Variants in INPP5F observed in about 807,000 individuals in gnomAD.
INPP5F encodes phosphatidylinositide 4-phosphatase SAC2.
In INPP5F, 97 loss-of-function variants were observed where a neutral mutation model predicts 137.2. That is an observed-to-expected ratio of 0.71 (90% confidence interval 0.60 to 0.84). The LOEUF (loss-of-function observed/expected upper bound fraction) is 0.84, where lower values mean the gene tolerates loss of function less well. INPP5F is among the 40% of genes least tolerant of loss of function. The probability of loss-of-function intolerance (pLI) is 0.00; values close to 1 mark genes in which losing one functional copy is unlikely to be tolerated. For missense variants in INPP5F, 1,271 were observed against 1,371.9 expected, an observed-to-expected ratio of 0.93 and a Z score of 1.16; for synonymous variants, 504 against 476.9, an observed-to-expected ratio of 1.06 and a Z score of -0.74.
intron 9 of INPP5F, among the ~76,000 whole-genome samples, chr10:119,800,678 T>C (rs1850556893): frequency 6.6e-6 from 1 of 152,024 alleles, no homozygotes; most frequent in Admixed American, 6.5e-5. Flanking sequence ...AGGGCTCCAC[T>C]TCATTAGCTG....
At position 119,827,589 on chromosome 10, in the gene INPP5F, C is replaced by T; in HGVS notation, c.3208C>T (p.Pro1070Ser). 1 of 1,614,154 alleles carries T rather than the reference C, an allele frequency of 6.2e-7. No individual in the cohort carries two copies. The highest frequency in any genetic ancestry group is 8.5e-7 in the Non-Finnish European group (1 of 1,180,014). The change falls in exon 20 of 20, where the codon CCC becomes TCC. Residue 1070 changes from proline (P) to serine (S), a missense_variant. Pro to Ser is a moderately conservative substitution (Grantham distance 74). Transcript: ENST00000650623. ...GAGCAGTAGCAGCAGAGCAGTCTCT[C>T]CCTTTGCCAAGATTCGAAGTTCCAT... Reference protein sequence around the residue: ...SESSSSRAVSPFAKIRSSMVQ... With the variant: ...SESSSSRAVSSFAKIRSSMVQ...
At chr10:119,774,425 A>G (rs1346365949) in intron 2 of INPP5F, among the ~76,000 whole-genome samples, 2 of 151,944 alleles carry the variant, frequency 1.3e-5, no homozygotes, top group African/African-American at 4.8e-5. Flanking sequence ...TGTATGCTCT[A>G]AATGAAAGTT....
At chr10:119,747,041 G>A (rs1444138868) in intron 1 of INPP5F, among the ~76,000 whole-genome samples, 2 of 151,898 alleles carry the variant, frequency 1.3e-5, no homozygotes, top group Non-Finnish European at 2.9e-5. Context: ...CTCCTGCCTC[G>A]GCCTTCCGAA....
intron 2 of INPP5F, among the ~76,000 whole-genome samples, chr10:119,754,672 C>T (rs1274479323): frequency 6.6e-6 from 1 of 151,976 alleles, no homozygotes; most frequent in Non-Finnish European, 1.5e-5. Context: ...CAAAGGGAAA[C>T]ACTTTTCTGG....
At chr10:119,802,805 A>G (rs896635723) in intron 9 of INPP5F, among the ~76,000 whole-genome samples, 1 of 152,000 alleles carries the variant, frequency 6.6e-6, no homozygotes, top group Admixed American at 6.6e-5. Flanking sequence ...CAGGTTTTTT[A>G]AAAAAAATTG....
chr10:119,742,247 C>G (rs927137659), intron 1 of INPP5F, among the ~76,000 whole-genome samples: 7 of 151,864 alleles, frequency 4.6e-5, no homozygotes, highest in East Asian at 3.9e-4. Flanking sequence ...CCTCTGCCTC[C>G]CGGGTTCAAG....
Position 119,792,184 on chromosome 10 carries a change from T to TA in INPP5F, c.641dup (p.Tyr214Ter). The change falls in exon 6 of 20, where the codon TAC (tyrosine) becomes TAAC (stop). Residue 214 changes from tyrosine (Y) to a stop codon, truncating the protein, a stop_gained and frameshift_variant. Coordinates refer to ENST00000650623, the MANE Select transcript of INPP5F (RefSeq NM_014937.4). LOFTEE classifies it high-confidence loss of function. Reference protein sequence around the residue: ...KVDDRFFWNKYMIQDLTEIGT... With the variant: ...KVDDRFFWNK ...TGATGACCGATTTTTTTGGAATAAA[T>TA]ACATGATACAAGATCTTACTGAGAT... The TA allele has an allele frequency of 6.2e-7, 1 of 1,613,802 alleles. No homozygotes were observed. Among genetic ancestry groups the TA allele is most frequent in the Non-Finnish European group, 8.5e-7 (1 of 1,179,644 alleles).
intron 2 of INPP5F, among the ~76,000 whole-genome samples, chr10:119,756,250 C>G (rs140172509): frequency 1.3e-5 from 2 of 152,258 alleles, no homozygotes; most frequent in Non-Finnish European, 2.9e-5. Context: ...ATATTCTACT[C>G]AAGAACCACT....
chr10:119,754,076 C>G (rs1848766481), intron 2 of INPP5F, among the ~76,000 whole-genome samples: 1 of 152,284 alleles, frequency 6.6e-6, no homozygotes, highest in Middle Eastern at 3.4e-3. Flanking sequence ...TCTGATATTC[C>G]CTGTAATAAC....
In INPP5F at chr10:119,827,801, T is replaced by C. The variant is rs1851834707; in HGVS notation, c.*21T>C. 1 of 1,493,528 alleles carries C rather than the reference T, an allele frequency of 6.7e-7. No homozygotes were observed. The highest frequency in any genetic ancestry group is 9.1e-7 in the Non-Finnish European group (1 of 1,095,862). 92.5% of individuals were successfully genotyped at this position (1,493,528 alleles called of 1,614,324 possible). On this transcript the variant is annotated 3_prime_UTR_variant, in exon 20 of 20. Transcript: ENST00000650623. ...TTTAGCTTTTAGCCATAAGAATCCT[T>C]CCATGGCTTTTATTTAAAAATATGA...
chr10:119,763,040 C>T (rs1381687671), intron 2 of INPP5F, among the ~76,000 whole-genome samples: 1 of 152,168 alleles, frequency 6.6e-6, no homozygotes, highest in Non-Finnish European at 1.5e-5. Context: ...ACCTGTGAAA[C>T]CATACAAGTT....
intron 1 of INPP5F, among the ~76,000 whole-genome samples, chr10:119,750,305 G>A (rs1331343547): frequency 6.6e-6 from 1 of 152,170 alleles, no homozygotes; most frequent in Admixed American, 6.5e-5. Flanking sequence ...ATCTTCACCT[G>A]TCGAACTACC....
At chr10:119,775,177 A>G (rs1263898716) in intron 2 of INPP5F, among the ~76,000 whole-genome samples, 2 of 152,256 alleles carry the variant, frequency 1.3e-5, no homozygotes, top group East Asian at 3.9e-4. Context: ...TCAAAGAAAA[A>G]TTTTATATAT....
At position 119,827,429 on chromosome 10, in the gene INPP5F, C is replaced by G. The variant is rs1589763753; in HGVS notation, c.3048C>G (p.Val1016=). 6.2e-7 allele frequency: 1 copy of G among 1,614,168 alleles called. No homozygotes were observed. Among genetic ancestry groups the G allele is most frequent in the Non-Finnish European group, 8.5e-7 (1 of 1,180,014 alleles). The part of the protein sequence containing the change: ...QTPSRPSQLD[V]SLSATGPQFL... ...CTTCTCGGCCATCGCAATTAGATGT[C>G]TCTCTTTCTGCAACAGGCCCACAGT... is the stretch of plus-strand genomic sequence containing the variant. The change falls in exon 20 of 20, where the codon GTC becomes GTG. Residue 1016 remains valine, a synonymous_variant. Coordinates refer to ENST00000650623, the MANE Select transcript of INPP5F (RefSeq NM_014937.4).
chr10:119,812,377 T>TC (rs1172274228), intron 15 of INPP5F, among the ~76,000 whole-genome samples: 2 of 31,458 alleles, frequency 6.4e-5, no homozygotes, highest in Non-Finnish European at 1.2e-4. Flanking sequence ...CAACTAATAT[T>TC]CTTTTTTTTT....
intron 2 of INPP5F, among the ~76,000 whole-genome samples, chr10:119,754,690 C>T (rs1425800270): frequency 6.6e-6 from 1 of 152,014 alleles, no homozygotes; most frequent in Non-Finnish European, 1.5e-5. Flanking sequence ...TGGGCCCCTG[C>T]TGCTTTTCCC....
At chr10:119,810,675 CA>C in intron 14 of INPP5F, among the ~76,000 whole-genome samples, 1 of 152,198 alleles carries the variant, frequency 6.6e-6, no homozygotes, top group Non-Finnish European at 1.5e-5. Context: ...ATTAGGGTAC[CA>C]GATTTAGAGA....
chr10:119,819,628 T>C (rs1359533838), intron 15 of INPP5F: 6 of 937,328 alleles, frequency 6.4e-6, no homozygotes, highest in Admixed American at 3.1e-5. Context: ...CCTTTTCCCA[T>C]TGGTTAATTG....
chr10:119,771,843 G>GAGAT (rs1454777590), intron 2 of INPP5F, among the ~76,000 whole-genome samples: 4 of 40,868 alleles, frequency 9.8e-5, no homozygotes, highest in African/African-American at 2.9e-4. Context: ...ATAAAGTATG[G>GAGAT]AGATATATAT....
Sources: gnomAD v4.1 joint callset for allele counts (sites outside exome capture counted in the v4.1 genomes callset) on GRCh38, gnomAD v4.1.1 for gene constraint, MANE v1.5 for transcripts, NCBI Gene and HGNC (gene_info 2026-07-23, HGNC 2026-07-21) for gene names.